TENM2: variants seen among roughly 807,000 people sequenced by gnomAD.
TENM2 encodes teneurin-2.
TENM2 carries 52 observed loss-of-function variants against 245.2 expected under a neutral mutation model. That is an observed-to-expected ratio of 0.21 (90% confidence interval 0.17 to 0.27). TENM2 has a LOEUF of 0.27. Among genes scored for constraint, TENM2 ranks in the 10% least tolerant of loss-of-function variants. The pLI is 1.00. For missense variants in TENM2, 3,046 were observed against 3,666.8 expected (o/e 0.83, Z 4.37); for synonymous variants, 1,363 against 1,438.9 (o/e 0.95, Z 1.19).
intron 2 of TENM2, among the ~76,000 whole-genome samples, chr5:167,447,223 A>C (rs1221868973): frequency 6.6e-6 from 1 of 152,226 alleles, no homozygotes; most frequent in Non-Finnish European, 1.5e-5. Flanking sequence ...CAGATAGCAA[A>C]TCCCATTCTA....
At chr5:167,984,473 TG>T (rs1161278877) in intron 4 of TENM2, among the ~76,000 whole-genome samples, 1 of 152,122 alleles carries the variant, frequency 6.6e-6, no homozygotes, top group Non-Finnish European at 1.5e-5. Flanking sequence ...CTAGCCAACA[TG>T]GTGAAACCCC....
chr5:167,884,796 A>G (rs915585370), intron 3 of TENM2, among the ~76,000 whole-genome samples: 5 of 152,190 alleles, frequency 3.3e-5, no homozygotes, highest in Admixed American at 6.5e-5. Context: ...TGAATCATAC[A>G]GTAATTCTAT....
chr5:167,126,547 T>A, the TENM2 span, among the ~76,000 whole-genome samples: 1 of 152,272 alleles, frequency 6.6e-6, no homozygotes, highest in Non-Finnish European at 1.5e-5. Flanking sequence ...TTATTTCACA[T>A]GGAAGAATTA....
intron 7 of TENM2, among the ~76,000 whole-genome samples, chr5:168,085,085 A>C (rs1792329806): frequency 6.6e-6 from 1 of 152,214 alleles, no homozygotes; most frequent in Admixed American, 6.5e-5. Context: ...ATGGCACTGG[A>C]TCCATTCCTT....
chr5:167,343,040 C>T (rs79841076), intron 1 of TENM2, among the ~76,000 whole-genome samples: 2,337 of 152,050 alleles, frequency 0.015, 64 homozygotes, highest in African/African-American at 0.054. Flanking sequence ...AGTATGGACT[C>T]CTGGATATCT....
At chr5:167,347,137 AAG>A (rs1274547098) in intron 1 of TENM2, among the ~76,000 whole-genome samples, 2 of 150,680 alleles carry the variant, frequency 1.3e-5, no homozygotes, top group East Asian at 3.9e-4. Flanking sequence ...GGTGAATTAC[AAG>A]AGAAAAAAAA....
chr5:167,302,262 T>A (rs558733721), intron 1 of TENM2, among the ~76,000 whole-genome samples: 1 of 152,210 alleles, frequency 6.6e-6, no homozygotes, highest in Non-Finnish European at 1.5e-5. Flanking sequence ...TCAAGTGGCA[T>A]TATAGAAGAA....
At chr5:167,585,720 T>A (rs991593903) in intron 2 of TENM2, among the ~76,000 whole-genome samples, 11 of 152,076 alleles carry the variant, frequency 7.2e-5, no homozygotes, top group Non-Finnish European at 1.0e-4. Context: ...AGAATAAAAA[T>A]GTTAATCAAA....
intron 2 of TENM2, among the ~76,000 whole-genome samples, chr5:167,624,448 A>G (rs775759228): frequency 6.6e-6 from 1 of 152,158 alleles, no homozygotes. Flanking sequence ...TTGAAAAACT[A>G]CCTATTGGAT....
chr5:167,037,791 G>T, the TENM2 span, among the ~76,000 whole-genome samples: 2 of 152,162 alleles, frequency 1.3e-5, no homozygotes, highest in African/African-American at 4.8e-5. Flanking sequence ...GGCAAAGAAG[G>T]GGCCTGTCAC....
At chr5:168,019,338 G>A (rs1384902278) in intron 5 of TENM2, among the ~76,000 whole-genome samples, 1 of 152,192 alleles carries the variant, frequency 6.6e-6, no homozygotes, top group East Asian at 1.9e-4. Context: ...CCGTCTGGCA[G>A]CCCCATGCAG....
chr5:167,463,674 T>C (rs769236181), intron 2 of TENM2, among the ~76,000 whole-genome samples: 8 of 152,010 alleles, frequency 5.3e-5, no homozygotes, highest in Non-Finnish European at 8.8e-5. Context: ...AATGTTTGTA[T>C]TTTTAGTAGA....
At chr5:168,228,945 T>C (rs1764546982) in intron 25 of TENM2, among the ~76,000 whole-genome samples, 2 of 147,894 alleles carry the variant, frequency 1.4e-5, no homozygotes, top group South Asian at 4.2e-4. Flanking sequence ...TGTATAATTA[T>C]ATACATTATA....
chr5:167,971,925 C>T (rs1418227183), intron 4 of TENM2, among the ~76,000 whole-genome samples: 1 of 152,210 alleles, frequency 6.6e-6, no homozygotes, highest in Non-Finnish European at 1.5e-5. Context: ...ACTATAAATG[C>T]CGGAGTGGGG....
intron 13 of TENM2, among the ~76,000 whole-genome samples, chr5:168,184,947 G>A (rs1760255701): frequency 1.3e-5 from 2 of 152,192 alleles, no homozygotes; most frequent in Non-Finnish European, 2.9e-5. Flanking sequence ...AGCTGAAAGG[G>A]GATTGTGTCT....
At chr5:168,117,952 G>A (rs1189783162) in intron 9 of TENM2, among the ~76,000 whole-genome samples, 4 of 152,158 alleles carry the variant, frequency 2.6e-5, no homozygotes, top group African/African-American at 7.2e-5. Flanking sequence ...GACTGGACAC[G>A]TCACTTCCCC....
intron 2 of TENM2, among the ~76,000 whole-genome samples, chr5:167,741,178 T>G (rs1391740131): frequency 6.6e-6 from 1 of 152,178 alleles, no homozygotes; most frequent in Non-Finnish European, 1.5e-5. Context: ...TCTTTTCCAC[T>G]GTGAAATTCT....
At chr5:167,044,711 A>G in the TENM2 span, among the ~76,000 whole-genome samples, 1 of 152,222 alleles carries the variant, frequency 6.6e-6, no homozygotes, top group African/African-American at 2.4e-5. Context: ...ATTTCCGAGG[A>G]CAAGAGTGTA....
At chr5:168,147,519 A>G (rs1756207794) in intron 12 of TENM2, among the ~76,000 whole-genome samples, 1 of 152,222 alleles carries the variant, frequency 6.6e-6, no homozygotes, top group African/African-American at 2.4e-5. Flanking sequence ...GAAACAGCCA[A>G]GAAACCAAAA....
Sources: allele counts gnomAD v4.1 joint callset (sites outside exome capture counted in the v4.1 genomes callset), GRCh38; gene constraint gnomAD v4.1.1; transcripts MANE v1.5; gene names NCBI Gene and HGNC (gene_info 2026-07-23, HGNC 2026-07-21).